Variants in PCDH7 observed in about 807,000 individuals in gnomAD.
PCDH7 encodes protocadherin-7.
Under a neutral mutation model 58.9 loss-of-function variants are expected in PCDH7, and 17 were observed. The observed-to-expected ratio is 0.29, with a 90% CI of 0.20 to 0.43. The LOEUF is 0.43. Among genes scored for constraint, PCDH7 ranks in the 20% least tolerant of loss-of-function variants. The pLI is 1.00. For synonymous variants in PCDH7, 664 were observed against 616.4 expected (o/e 1.08, Z -1.14); for missense variants, 1,274 against 1,441.0 (o/e 0.88, Z 1.88).
intron 1 of PCDH7, among the ~76,000 whole-genome samples, chr4:30,863,393 T>C (rs1392114249): frequency 6.6e-6 from 1 of 152,056 alleles, no homozygotes; most frequent in Non-Finnish European, 1.5e-5. Flanking sequence ...GAGGGTGGCA[T>C]CTAGTGGGTG....
chr4:30,762,192 T>G (rs1170652818), intron 1 of PCDH7, among the ~76,000 whole-genome samples: 1 of 152,212 alleles, frequency 6.6e-6, no homozygotes, highest in Non-Finnish European at 1.5e-5. Flanking sequence ...AGCTGTGTGT[T>G]ATTAAAATGC....
chr4:31,066,074 C>T (rs959413296), intron 3 of PCDH7, among the ~76,000 whole-genome samples: 1 of 151,858 alleles, frequency 6.6e-6, no homozygotes, highest in Non-Finnish European at 1.5e-5. Flanking sequence ...TGATCACCAT[C>T]CTGTTTCATA....
chr4:31,086,027 G>A (rs1205566227), intron 3 of PCDH7, among the ~76,000 whole-genome samples: 3 of 152,094 alleles, frequency 2.0e-5, no homozygotes, highest in Non-Finnish European at 4.4e-5. Flanking sequence ...TATTTTGTCA[G>A]CTAGGAAAGG....
At chr4:31,063,032 T>A (rs1757808918) in intron 3 of PCDH7, among the ~76,000 whole-genome samples, 1 of 151,838 alleles carries the variant, frequency 6.6e-6, no homozygotes, top group African/African-American at 2.4e-5. Context: ...GCTAAATTAA[T>A]CTTTATTGGG....
intron 1 of PCDH7, among the ~76,000 whole-genome samples, chr4:30,876,902 C>T (rs889272056): frequency 9.2e-5 from 14 of 151,974 alleles, no homozygotes; most frequent in African/African-American, 3.4e-4. Context: ...CTCTCTGTCC[C>T]CTTTCTACCC....
intron 1 of PCDH7, among the ~76,000 whole-genome samples, chr4:30,806,539 C>T (rs533726158): frequency 1.8e-4 from 28 of 151,878 alleles, no homozygotes; most frequent in Admixed American, 9.2e-4. Flanking sequence ...CTCCTGACCT[C>T]GTGATCCACC....
intron 3 of PCDH7, among the ~76,000 whole-genome samples, chr4:31,055,712 G>C (rs928645179): frequency 5.3e-5 from 8 of 151,966 alleles, no homozygotes; most frequent in African/African-American, 1.9e-4. Flanking sequence ...AAGTATCTGG[G>C]ACTACAGGTG....
chr4:30,738,507 C>T (rs1716619362), intron 1 of PCDH7, among the ~76,000 whole-genome samples: 1 of 152,050 alleles, frequency 6.6e-6, no homozygotes, highest in African/African-American at 2.4e-5. Context: ...CTATATCTAA[C>T]TTATTAGGCA....
At chr4:31,036,663 CA>C (rs1028472960) in intron 3 of PCDH7, among the ~76,000 whole-genome samples, 3 of 152,082 alleles carry the variant, frequency 2.0e-5, no homozygotes, top group African/African-American at 7.2e-5. Context: ...TTATTGTGTG[CA>C]AAACACTATA....
chr4:30,974,653 A>T (rs532547475), intron 3 of PCDH7, among the ~76,000 whole-genome samples: 1 of 152,304 alleles, frequency 6.6e-6, no homozygotes, highest in Non-Finnish European at 1.5e-5. Flanking sequence ...AAGATGAATT[A>T]AGCACGTAAG....
chr4:30,815,135 T>C (rs1727505308), intron 1 of PCDH7, among the ~76,000 whole-genome samples: 1 of 152,010 alleles, frequency 6.6e-6, no homozygotes, highest in African/African-American at 2.4e-5. Flanking sequence ...TATATGTGCA[T>C]GCATATATAA....
At chr4:31,079,813 G>C (rs1029009573) in intron 3 of PCDH7, among the ~76,000 whole-genome samples, 4 of 152,056 alleles carry the variant, frequency 2.6e-5, no homozygotes, top group African/African-American at 9.7e-5. Flanking sequence ...ACACATTTGG[G>C]TGGATTCATA....
intron 1 of PCDH7, among the ~76,000 whole-genome samples, chr4:30,759,900 G>A (rs1041979906): frequency 3.3e-5 from 5 of 152,006 alleles, no homozygotes; most frequent in African/African-American, 9.7e-5. Context: ...CAAAACCCTA[G>A]GGTGATGTTT....
intron 3 of PCDH7, among the ~76,000 whole-genome samples, chr4:31,041,117 G>A (rs2109204239): frequency 6.6e-6 from 1 of 152,180 alleles, no homozygotes; most frequent in Non-Finnish European, 1.5e-5. Flanking sequence ...ACTCTATAAG[G>A]GATTTAGTTT....
At chr4:31,037,971 G>A (rs1436284094) in intron 3 of PCDH7, among the ~76,000 whole-genome samples, 2 of 152,242 alleles carry the variant, frequency 1.3e-5, no homozygotes, top group Non-Finnish European at 2.9e-5. Context: ...ACAGCAACAA[G>A]CAATACTTGG....
intron 3 of PCDH7, among the ~76,000 whole-genome samples, chr4:30,985,778 G>A (rs1460877838): frequency 6.6e-6 from 1 of 152,114 alleles, no homozygotes; most frequent in African/African-American, 2.4e-5. Flanking sequence ...CTTTGCACAG[G>A]GATGTATGGC....
chr4:30,766,829 A>AT (rs537322854), intron 1 of PCDH7, among the ~76,000 whole-genome samples: 25 of 152,096 alleles, frequency 1.6e-4, no homozygotes, highest in African/African-American at 5.8e-4. Flanking sequence ...AGTTACTGTC[A>AT]TTTTTATCAC....
chr4:30,874,117 C>G (rs1429575666), intron 1 of PCDH7, among the ~76,000 whole-genome samples: 1 of 151,976 alleles, frequency 6.6e-6, no homozygotes, highest in Non-Finnish European at 1.5e-5. Context: ...CTAGTTCGAC[C>G]ATTGTGGAAG....
exon 2 of PCDH7, chr4:30,731,485 T>C (rs1008990144): frequency 6.6e-6 from 1 of 152,240 alleles, no homozygotes; most frequent in Middle Eastern, 3.4e-3. Flanking sequence ...TTTTTCTTAA[T>C]CTTGAAATAG....
Sources: gnomAD v4.1 joint callset for allele counts (sites outside exome capture counted in the v4.1 genomes callset) on GRCh38, gnomAD v4.1.1 for gene constraint, MANE v1.5 for transcripts, NCBI Gene and HGNC (gene_info 2026-07-23, HGNC 2026-07-21) for gene names.